AGBL4: variants seen among roughly 807,000 people sequenced by gnomAD.
AGBL4 encodes the protein AGBL carboxypeptidase 4.
AGBL4 carries 58 observed loss-of-function variants against 66.4 expected under a neutral mutation model. The observed-to-expected ratio is 0.87, with a 90% CI of 0.71 to 1.09. The LOEUF is 1.09. Ranked by LOEUF, AGBL4 falls within the 50% of genes least tolerant of loss-of-function variation. AGBL4 has a pLI of 0.00. For synonymous variants in AGBL4, 234 were observed against 222.9 expected, an observed-to-expected ratio of 1.05 and a Z score of -0.44; for missense variants, 579 against 631.0, an observed-to-expected ratio of 0.92 and a Z score of 0.88.
chr1:49,497,324 C>G (rs938015399), intron 3 of AGBL4, among the ~76,000 whole-genome samples: 2 of 151,914 alleles, frequency 1.3e-5, no homozygotes, highest in African/African-American at 2.4e-5. Flanking sequence ...GTTGTCTCTT[C>G]ACTTTATTGA....
intron 1 of AGBL4, among the ~76,000 whole-genome samples, chr1:49,945,211 A>G (rs1218481068): frequency 2.6e-5 from 4 of 152,286 alleles, no homozygotes; most frequent in African/African-American, 9.6e-5. Context: ...AAGAAGCTCA[A>G]AGAATGCCTG....
intron 12 of AGBL4, 112 bp downstream of exon 12, chr1:48,539,525 ATCTTT>A: frequency 1.3e-6 from 1 of 773,178 alleles, no homozygotes; most frequent in Non-Finnish European, 1.9e-6. Context: ...GGCCAGGATT[ATCTTT>A]CCTGCGGCAC....
chr1:49,035,630 A>G (rs1664583287), intron 5 of AGBL4, among the ~76,000 whole-genome samples: 1 of 152,026 alleles, frequency 6.6e-6, no homozygotes, highest in South Asian at 2.1e-4. Context: ...TTCTATTAGG[A>G]GACTGCCTTT....
chr1:49,161,965 A>T (rs1005520269), intron 4 of AGBL4, among the ~76,000 whole-genome samples: 2 of 152,156 alleles, frequency 1.3e-5, no homozygotes, highest in Non-Finnish European at 2.9e-5. Flanking sequence ...CTGCAAAATG[A>T]AGGTAAAATT....
chr1:49,057,896 T>C (rs1412864014), intron 4 of AGBL4, among the ~76,000 whole-genome samples: 4 of 152,034 alleles, frequency 2.6e-5, no homozygotes, highest in Non-Finnish European at 5.9e-5. Flanking sequence ...ATGGAGTGAA[T>C]GTGTATTGGT....
chr1:49,725,430 A>C (rs1295705402), intron 2 of AGBL4, among the ~76,000 whole-genome samples: 1 of 152,160 alleles, frequency 6.6e-6, no homozygotes, highest in Non-Finnish European at 1.5e-5. Flanking sequence ...TACAACAGTA[A>C]GTATTTATTC....
intron 5 of AGBL4, among the ~76,000 whole-genome samples, chr1:48,876,734 T>C (rs1649270556): frequency 1.3e-5 from 2 of 152,176 alleles, no homozygotes; most frequent in South Asian, 4.1e-4. Context: ...ATATTGATAG[T>C]TTTTTAATAC....
intron 2 of AGBL4, among the ~76,000 whole-genome samples, chr1:49,794,868 C>T (rs1269545766): frequency 1.3e-5 from 2 of 151,790 alleles, no homozygotes; most frequent in African/African-American, 4.8e-5. Context: ...ATGGCTATTT[C>T]GTTTTGAGGT....
intron 6 of AGBL4, among the ~76,000 whole-genome samples, chr1:48,693,666 G>T (rs528013800): frequency 6.6e-6 from 1 of 152,098 alleles, no homozygotes; most frequent in East Asian, 1.9e-4. Flanking sequence ...TCACAAGACC[G>T]CTGGCCAAAA....
chr1:49,137,333 A>G (rs562695578), intron 4 of AGBL4, among the ~76,000 whole-genome samples: 1 of 152,278 alleles, frequency 6.6e-6, no homozygotes, highest in African/African-American at 2.4e-5. Context: ...ATACGAAAAT[A>G]AAATGATGGA....
chr1:49,576,550 T>C (rs1418614460), intron 3 of AGBL4, among the ~76,000 whole-genome samples: 1 of 152,226 alleles, frequency 6.6e-6, no homozygotes, highest in East Asian at 1.9e-4. Context: ...AGTTTGACTA[T>C]GGGTCATCAA....
At chr1:48,547,673 T>C (rs1008582939) in intron 11 of AGBL4, among the ~76,000 whole-genome samples, 1 of 152,318 alleles carries the variant, frequency 6.6e-6, no homozygotes, top group African/African-American at 2.4e-5. Context: ...TCTTGCTGAC[T>C]GTGCAGTGTG....
chr1:49,244,968 A>G (rs1348937990), intron 4 of AGBL4, among the ~76,000 whole-genome samples: 1 of 151,800 alleles, frequency 6.6e-6, no homozygotes, highest in Non-Finnish European at 1.5e-5. Context: ...TAACATAAAT[A>G]ACACAGGGCA....
chr1:49,880,794 G>C, intron 1 of AGBL4, among the ~76,000 whole-genome samples: 1 of 151,880 alleles, frequency 6.6e-6, no homozygotes, highest in Non-Finnish European at 1.5e-5. Flanking sequence ...TCAGACTGCT[G>C]TGCTAGCAAT....
At position 49,645,585 on chromosome 1, in the gene AGBL4, T is replaced by C. The variant is rs1645868734; in HGVS notation, c.282+51728A>G. On this transcript the variant is annotated intron_variant, in intron 3 of 13. Transcript: ENST00000371839. The stretch of plus-strand genomic sequence containing the variant: ...TCACAAAGAAAACTCCAGGCCCACA[T>C]GCCTTCATTAGTGAAGTCTTTCAAA... 2.0e-5 allele frequency among the ~76,000 whole-genome samples: 3 copies of C among 151,552 alleles called. No individual in the cohort carries two copies. The South Asian group carries it at 6.2e-4, about 31-fold the overall frequency.
chr1:48,972,654 G>A (rs1450512607), intron 5 of AGBL4, among the ~76,000 whole-genome samples: 1 of 152,176 alleles, frequency 6.6e-6, no homozygotes, highest in Non-Finnish European at 1.5e-5. Flanking sequence ...ATGTTGGCCT[G>A]AAGTTAGCCT....
chr1:49,582,064 CA>C (rs1644553010), intron 3 of AGBL4, among the ~76,000 whole-genome samples: 3 of 152,124 alleles, frequency 2.0e-5, no homozygotes, highest in Admixed American at 2.0e-4. Context: ...GCAGGGTGTT[CA>C]TGCTTGACTT....
intron 6 of AGBL4, among the ~76,000 whole-genome samples, chr1:48,803,392 T>C (rs1645852315): frequency 6.6e-6 from 1 of 152,242 alleles, no homozygotes; most frequent in Non-Finnish European, 1.5e-5. Context: ...ACAGTGGATG[T>C]TCTGCCCTTC....
At chr1:49,686,833 T>C (rs971318468) in intron 3 of AGBL4, among the ~76,000 whole-genome samples, 2 of 152,146 alleles carry the variant, frequency 1.3e-5, no homozygotes, top group Non-Finnish European at 2.9e-5. Flanking sequence ...AGAGGGAGTA[T>C]AAAATAATTT....
Sources: gnomAD v4.1 joint callset for allele counts (sites outside exome capture counted in the v4.1 genomes callset) on GRCh38, gnomAD v4.1.1 for gene constraint, MANE v1.5 for transcripts, NCBI Gene and HGNC (gene_info 2026-07-23, HGNC 2026-07-21) for gene names.